Variants in TBC1D15 observed in about 807,000 individuals in gnomAD.
TBC1D15 encodes GAP for RAB7.
A neutral mutation model predicts 95.4 loss-of-function variants in TBC1D15; 39 were observed. The observed-to-expected ratio is 0.41, with a 90% CI of 0.32 to 0.53. The LOEUF (loss-of-function observed/expected upper bound fraction) is 0.53, where lower values mean the gene tolerates loss of function less well. TBC1D15 is among the 20% of genes least tolerant of loss of function. The pLI is 0.29. For synonymous variants in TBC1D15, 258 were observed against 261.3 expected (o/e 0.99, Z 0.12); for missense variants, 733 against 794.3 (o/e 0.92, Z 0.93).
At chr12:71,854,765 C>T in intron 1 of TBC1D15, 1 of 456,554 alleles carries the variant, frequency 2.2e-6, no homozygotes, top group Non-Finnish European at 4.4e-6. Context: ...CATTCCTCTC[C>T]CCCCCACCTT....
chr12:71,899,093 A>G (rs976699148), intron 10 of TBC1D15, among the ~76,000 whole-genome samples: 1 of 152,162 alleles, frequency 6.6e-6, no homozygotes, highest in Non-Finnish European at 1.5e-5. Context: ...TCGAACTGGA[A>G]GGGAAGTTAG....
At chr12:71,883,057 A>C (rs1387455406) in intron 4 of TBC1D15, among the ~76,000 whole-genome samples, 25 of 152,088 alleles carry the variant, frequency 1.6e-4, no homozygotes, top group Admixed American at 1.6e-3. Flanking sequence ...TAATTTAGAT[A>C]AAATACTCTG....
intron 1 of TBC1D15, chr12:71,849,326 CTA>C: frequency 8.5e-7 from 1 of 1,179,034 alleles, no homozygotes; most frequent in South Asian, 1.2e-5. Flanking sequence ...GGTAAGGAGG[CTA>C]TCATAGGAGG....
intron 1 of TBC1D15, among the ~76,000 whole-genome samples, chr12:71,864,517 G>A (rs1175201827): frequency 7.0e-6 from 1 of 142,718 alleles, no homozygotes. Flanking sequence ...TGTTTGTTTT[G>A]TTTTGTTTGA....
At chr12:71,913,772 A>G (rs1903012034) in intron 11 of TBC1D15, 54 bp from the exon 12 acceptor site, 2 of 1,244,788 alleles carry the variant, frequency 1.6e-6, no homozygotes, top group East Asian at 2.6e-5. Flanking sequence ...CACAACTTGC[A>G]GAAGGTTACA....
intron 1 of TBC1D15, chr12:71,849,161 T>A: frequency 3.6e-6 from 1 of 275,424 alleles, no homozygotes. Flanking sequence ...TAACTGTGAT[T>A]ATAAAAAAAA....
chr12:71,878,664 C>G (rs1894482998), intron 3 of TBC1D15, among the ~76,000 whole-genome samples: 1 of 151,292 alleles, frequency 6.6e-6, no homozygotes, highest in African/African-American at 2.4e-5. Flanking sequence ...TACAGGCACC[C>G]CCCACCACTC....
At chr12:71,874,968 T>TA (rs1893483354) in intron 3 of TBC1D15, among the ~76,000 whole-genome samples, 1 of 151,992 alleles carries the variant, frequency 6.6e-6, no homozygotes, top group East Asian at 1.9e-4. Context: ...TGAGACAAGG[T>TA]CTTGCTCTGT....
intron 16 of TBC1D15, among the ~76,000 whole-genome samples, chr12:71,922,612 A>C (rs548281328): frequency 6.6e-6 from 1 of 152,342 alleles, no homozygotes; most frequent in South Asian, 2.1e-4. Context: ...CTTCCAAAGC[A>C]TGTCAATGAG....
chr12:71,880,902 T>G (rs1408392553), intron 4 of TBC1D15, among the ~76,000 whole-genome samples: 1 of 152,222 alleles, frequency 6.6e-6, no homozygotes, highest in Non-Finnish European at 1.5e-5. Flanking sequence ...CTTAATTTAG[T>G]AGAATTATAA....
At position 71,878,926 on chromosome 12, in the gene TBC1D15, A is replaced by G. The variant is rs78171337; in HGVS notation, c.205-1543A>G. Among the ~76,000 whole-genome samples, 140 of 151,818 alleles carry G rather than the reference A, an allele frequency of 9.2e-4. 1 individual carries two copies. In the East Asian group the frequency reaches 0.02, roughly 22 times the overall value. ...ATAATTTCATTTGTTCAGTTTCCCT[A>G]CTGTTTTTCAGTCTGTTTCTATTTC... On this transcript the variant is annotated intron_variant, in intron 3 of 16. Coordinates refer to ENST00000485960, the MANE Select transcript of TBC1D15 (RefSeq NM_001146213.3).
chr12:71,849,728 A>C, intron 1 of TBC1D15: 1 of 552,260 alleles, frequency 1.8e-6, no homozygotes, highest in Non-Finnish European at 3.5e-6. Context: ...CTCGGGGGTC[A>C]CTCCATTTTG....
chr12:71,922,836 ATGT>A (rs1869952621), intron 16 of TBC1D15, 144 bp from the exon 17 acceptor site: 1 of 755,346 alleles, frequency 1.3e-6, no homozygotes, highest in Non-Finnish European at 2.1e-6. Flanking sequence ...GCTGAGAAAA[ATGT>A]TGTGAGAAGG....
At position 71,896,154 on chromosome 12, in the gene TBC1D15, G is replaced by T. The variant is rs556647488; in HGVS notation, c.984+79G>T. On this transcript the variant is annotated intron_variant, in intron 8 of 16. Coordinates refer to ENST00000485960, the MANE Select transcript of TBC1D15 (RefSeq NM_001146213.3). Reference sequence around the variant, plus strand: ...TTTTGTTGTTATCGTTACTGTTTTGGTGTGTTTTTTTTTGTTGTTGGTTTT... The same window carrying T: ...TTTTGTTGTTATCGTTACTGTTTTGTTGTGTTTTTTTTTGTTGTTGGTTTT... 3.8e-6 allele frequency: 5 copies of T among 1,326,776 alleles called. No individual in the cohort carries two copies. In the East Asian group the frequency reaches 1.0e-4, roughly 27 times the overall value. 82.2% of individuals were successfully genotyped at this position (1,326,776 alleles called of 1,614,324 possible). A position where few individuals can be genotyped will look rare whatever the true frequency, so the allele number is the denominator to read the frequency against.
At chr12:71,858,488 CT>C (rs57589434) in intron 1 of TBC1D15, among the ~76,000 whole-genome samples, 120 of 130,556 alleles carry the variant, frequency 9.2e-4, no homozygotes, top group Middle Eastern at 8.7e-3. Flanking sequence ...TGCTGATTTT[CT>C]TTTTTTTTTT....
In TBC1D15 at chr12:71,897,854, T is replaced by G; in HGVS notation, c.1096T>G (p.Tyr366Asp). The G allele has an allele frequency of 6.2e-7, 1 of 1,611,640 alleles. No homozygotes were observed. Among genetic ancestry groups the G allele is most frequent in the Non-Finnish European group, 8.5e-7 (1 of 1,178,218 alleles). The change falls in exon 10 of 17, where the codon TAC (tyrosine) becomes GAC (aspartate). Residue 366 changes from tyrosine to aspartate, a missense_variant. Tyr to Asp is a radical substitution (Grantham distance 160, BLOSUM62 -3). Transcript: ENST00000485960. The part of the protein sequence containing the change: ...TQLQKQKTDE[Y>D]FRMKLQWKSI... ...TCAAATTGTTTTCTATAGTGATGAATACTTCAGAATGAAACTGCAGTGGAA... is the reference window on the plus strand; with the variant it reads ...TCAAATTGTTTTCTATAGTGATGAAGACTTCAGAATGAAACTGCAGTGGAA...
intron 5 of TBC1D15, among the ~76,000 whole-genome samples, chr12:71,890,193 C>T (rs554752893): frequency 4.1e-4 from 62 of 152,114 alleles, no homozygotes; most frequent in Non-Finnish European, 8.4e-4. Flanking sequence ...ATGAAAATTT[C>T]TAAATATTAT....
At chr12:71,920,991 G>C in intron 15 of TBC1D15, 144 bp downstream of exon 15, 1 of 622,064 alleles carries the variant, frequency 1.6e-6, no homozygotes, top group Non-Finnish European at 2.7e-6. Flanking sequence ...GACTATCTGA[G>C]AATGACAGTT....
chr12:71,912,739 T>C (rs1292233567), intron 11 of TBC1D15, among the ~76,000 whole-genome samples: 1 of 152,138 alleles, frequency 6.6e-6, no homozygotes, highest in Admixed American at 6.6e-5. Flanking sequence ...ATGTAAACTT[T>C]GGATTCGCAA....
Sources: gnomAD v4.1 joint callset for allele counts (sites outside exome capture counted in the v4.1 genomes callset) on GRCh38, gnomAD v4.1.1 for gene constraint, MANE v1.5 for transcripts, NCBI Gene and HGNC (gene_info 2026-07-23, HGNC 2026-07-21) for gene names.